AGR3: variants seen among roughly 807,000 people sequenced by gnomAD.
AGR3 encodes anterior gradient protein 3.
Under a neutral mutation model 24.5 loss-of-function variants are expected in AGR3, and 37 were observed. The observed-to-expected ratio is 1.51, with a 90% CI of 1.16 to 1.99. The LOEUF is 1.99. Ranked by LOEUF, AGR3 falls within the 30% of genes most tolerant of loss-of-function variation. AGR3 has a pLI of 0.00. For synonymous variants in AGR3, 75 were observed against 61.6 expected, an observed-to-expected ratio of 1.22 and a Z score of -1.02; for missense variants, 228 against 191.1, an observed-to-expected ratio of 1.19 and a Z score of -1.14.
chr7:16,878,585 A>G lies in AGR3; in HGVS notation c.34T>C (p.Leu12=). 1 of 1,614,184 alleles carries G rather than the reference A, an allele frequency of 6.2e-7. No individual in the cohort carries two copies. The highest frequency in any genetic ancestry group is 8.5e-7 in the Non-Finnish European group (1 of 1,180,022). The change falls in exon 2 of 8, where the codon TTA becomes CTA. Residue 12 remains leucine (L), a synonymous_variant. Coordinates refer to ENST00000310398, the MANE Select transcript of AGR3 (RefSeq NM_176813.5). ...MLHSALGLCL[L]LVTVSSNLAI... ...AGGTTGGAAGAAACTGTGACGAGTAAGAGGCAGAGACCCAAAGCTGAGTGT... is the reference window on the plus strand; with the variant it reads ...AGGTTGGAAGAAACTGTGACGAGTAGGAGGCAGAGACCCAAAGCTGAGTGT...
Position 16,873,839 on chromosome 7 carries a change from C to G in AGR3, c.114G>C (p.Trp38Cys), listed in dbSNP as rs751690500. The change falls in exon 3 of 8, where the codon TGG becomes TGC. Residue 38 changes from tryptophan (W) to cysteine (C), a missense_variant. Coordinates refer to ENST00000310398, the MANE Select transcript of AGR3 (RefSeq NM_176813.5). ...KRPPQTLSRGWGDDITWVQTY... is the reference protein window; with the variant it reads ...KRPPQTLSRGCGDDITWVQTY... The stretch of plus-strand genomic sequence containing the variant: ...TTTGTACCCAAGTGATGTCATCTCC[C>G]CATCCTGAAATAGAAGAGAGAAATC... The G allele has an allele frequency of 9.9e-6, 16 of 1,612,128 alleles. No homozygotes were observed. The highest frequency in any genetic ancestry group is 1.3e-5 in the Non-Finnish European group (15 of 1,178,668).
At chr7:16,863,174 T>G (rs551121577) in intron 3 of AGR3, among the ~76,000 whole-genome samples, 3 of 152,224 alleles carry the variant, frequency 2.0e-5, no homozygotes, top group Non-Finnish European at 4.4e-5. Context: ...AACAAACTTA[T>G]TAGGTAATTC....
intron 3 of AGR3, chr7:16,865,497 A>C: frequency 1.4e-6 from 1 of 719,884 alleles, no homozygotes; most frequent in East Asian, 2.5e-5. Flanking sequence ...TTTGGGGAAC[A>C]AGAAACTTTG....
At chr7:16,862,895 C>CA (rs1199615566) in intron 3 of AGR3, among the ~76,000 whole-genome samples, 1 of 152,126 alleles carries the variant, frequency 6.6e-6, no homozygotes, top group Admixed American at 6.6e-5. Context: ...GCTCCGTTCC[C>CA]AAATCAGGAA....
Position 16,859,633 on chromosome 7 carries a change from T to G in AGR3, c.452-2A>C. On this transcript the variant is annotated splice_acceptor_variant, in intron 7 of 7. Coordinates refer to ENST00000310398, the MANE Select transcript of AGR3 (RefSeq NM_176813.5). LOFTEE classifies it high-confidence loss of function. ...ATGCTTTCTTCATGTTTTCTATCAC[T>G]GAAATAAGAGTTAATATATATTATG... is the stretch of plus-strand genomic sequence containing the variant. 6.7e-7 allele frequency: 1 copy of G among 1,493,900 alleles called. No individual in the cohort carries two copies. The highest frequency in any genetic ancestry group is 9.2e-7 in the Non-Finnish European group (1 of 1,089,860). The allele number at this position is 1,493,900 out of a possible 1,614,324, so 92.5% of individuals were successfully genotyped here.
chr7:16,860,432 C>G, intron 7 of AGR3, 68 bp downstream of exon 7: 2 of 1,163,120 alleles, frequency 1.7e-6, no homozygotes, highest in Non-Finnish European at 2.6e-6. Context: ...TGTAGGGCTT[C>G]ACTAGCCCTT....
intron 1 of AGR3, among the ~76,000 whole-genome samples, 158 bp from the exon 2 acceptor site, chr7:16,878,803 T>A (rs1416228947): frequency 6.6e-6 from 1 of 152,238 alleles, no homozygotes. Context: ...CATTCACATT[T>A]TATTTTTAAA....
At chr7:16,863,637 ATTTC>A (rs1781691256) in intron 3 of AGR3, among the ~76,000 whole-genome samples, 1 of 152,008 alleles carries the variant, frequency 6.6e-6, no homozygotes, top group Non-Finnish European at 1.5e-5. Flanking sequence ...ATGTGTATGT[ATTTC>A]TTTTTAAAAA....
At chr7:16,859,091 T>C (rs955315471), downstream of AGR3, among the ~76,000 whole-genome samples, 1 of 151,918 alleles carries the variant, frequency 6.6e-6, no homozygotes, top group African/African-American at 2.4e-5. Context: ...GGAGACAGAA[T>C]TAAAATTAGA....
At chr7:16,856,864 C>T (rs1245092925), downstream of AGR3, among the ~76,000 whole-genome samples, 1 of 151,774 alleles carries the variant, frequency 6.6e-6, no homozygotes, top group East Asian at 1.9e-4. Context: ...CACACATTCA[C>T]TAAGCATAGT....
chr7:16,873,099 G>A lies in AGR3; in HGVS notation c.173+681C>T, dbSNP rs190620913. 1.9e-3 allele frequency among the ~76,000 whole-genome samples: 294 copies of A among 152,082 alleles called. 1 individual carries two copies. Among genetic ancestry groups the A allele is most frequent in the Non-Finnish European group, 3.6e-3 (244 of 67,950 alleles). The stretch of plus-strand genomic sequence containing the variant: ...TATGATCCAGCTTTCCTACTACTGA[G>A]TATTTATTTAAAAAATCAGTATATC... On this transcript the variant is annotated intron_variant, in intron 3 of 7. Transcript: ENST00000310398.
In AGR3 at chr7:16,881,713, A is replaced by G. The variant is rs569873228; in HGVS notation, c.-28+231T>C. ...TCATTACTTGTAGAATACTTTTCAA[A>G]GAGTCGTTTTTGTGGTTGACGTCAA... On this transcript the variant is annotated intron_variant, in intron 1 of 7. Coordinates refer to ENST00000310398, the MANE Select transcript of AGR3 (RefSeq NM_176813.5). Among the ~76,000 whole-genome samples, 531 of 152,348 alleles carry G rather than the reference A, an allele frequency of 3.5e-3. 6 individuals carry two copies. Among genetic ancestry groups the G allele is most frequent in the African/African-American group, 0.012 (499 of 41,588 alleles).
At chr7:16,856,463 A>G (rs149916778), downstream of AGR3, among the ~76,000 whole-genome samples, 480 of 152,316 alleles carry the variant, frequency 3.2e-3, 3 homozygotes, top group African/African-American at 0.011. Flanking sequence ...TAACCAATAC[A>G]TTTTAGTGTG....
In AGR3 at chr7:16,880,068, CTTCCCCTTCCTTCT is replaced by C. The variant is rs1184577049; in HGVS notation, c.-27-1437_-27-1424del. On this transcript the variant is annotated intron_variant, in intron 1 of 7. Transcript: ENST00000310398. ...TCCCTCCTTCCCTTCCCCTTCCTTC[CTTCCCCTTCCTTCT>C]TTCCCCTTCCTTCCTTCCTTCCTTC... Among the ~76,000 whole-genome samples the C allele has an allele frequency of 6.1e-4, 91 of 150,140 alleles. 1 individual carries two copies. The East Asian group carries it at 0.016, about 27-fold the overall frequency.
At chr7:16,863,019 G>A (rs934713685) in intron 3 of AGR3, among the ~76,000 whole-genome samples, 3 of 152,096 alleles carry the variant, frequency 2.0e-5, no homozygotes, top group Admixed American at 6.6e-5. Flanking sequence ...GCGGTGAGCC[G>A]AGATGGCGCC....
At chr7:16,876,743 A>G (rs1213577401) in intron 2 of AGR3, among the ~76,000 whole-genome samples, 2 of 152,220 alleles carry the variant, frequency 1.3e-5, no homozygotes, top group South Asian at 2.1e-4. Context: ...ATCAATTGAA[A>G]TAATAGAACC....
intron 2 of AGR3, among the ~76,000 whole-genome samples, chr7:16,875,294 T>A (rs1781965414): frequency 6.6e-6 from 1 of 152,122 alleles, no homozygotes; most frequent in Non-Finnish European, 1.5e-5. Flanking sequence ...AAGAAACCCC[T>A]AATCTACTTT....
chr7:16,862,182 T>A, intron 4 of AGR3, 122 bp from the exon 5 acceptor site: 1 of 736,658 alleles, frequency 1.4e-6, no homozygotes. Context: ...TAAATATTAA[T>A]AGTTCATTGG....
intron 3 of AGR3, chr7:16,865,378 C>CA: frequency 8.9e-7 from 1 of 1,118,994 alleles, no homozygotes; most frequent in Non-Finnish European, 1.3e-6. Context: ...ATTTTTCCTC[C>CA]ATTCTTGTTA....
Sources: gnomAD v4.1 joint callset for allele counts (sites outside exome capture counted in the v4.1 genomes callset) on GRCh38, gnomAD v4.1.1 for gene constraint, MANE v1.5 for transcripts, NCBI Gene and HGNC (gene_info 2026-07-23, HGNC 2026-07-21) for gene names.